Variants in RPS6KC1 observed in about 807,000 individuals in gnomAD.
The protein encoded by RPS6KC1 is inactive ribosomal protein S6 kinase delta-1.
Under a neutral mutation model 103.8 loss-of-function variants are expected in RPS6KC1, and 54 were observed. The ratio of observed to expected loss-of-function variants is 0.52; its 90% confidence interval spans 0.42 to 0.65. The LOEUF (loss-of-function observed/expected upper bound fraction) is 0.65, where lower values mean the gene tolerates loss of function less well. Among genes scored for constraint, RPS6KC1 ranks in the 30% least tolerant of loss-of-function variants. The pLI, the probability that RPS6KC1 is intolerant of heterozygous loss-of-function variation, is 0.00. For missense variants in RPS6KC1, 1,151 were observed against 1,253.8 expected (o/e 0.92, Z 1.24); for synonymous variants, 439 against 438.7 (o/e 1.00, Z -0.01).
At chr1:213,425,753 C>A in the RPS6KC1 span, among the ~76,000 whole-genome samples, 2 of 152,284 alleles carry the variant, frequency 1.3e-5, no homozygotes, top group African/African-American at 4.8e-5. Context: ...CAACCTTCCC[C>A]CGCCTGAATG....
chr1:213,242,144 G>A lies in RPS6KC1; in HGVS notation c.2668G>A (p.Asp890Asn). Residue 890 changes from aspartate (D) to asparagine (N), a missense_variant, in exon 11 of 15, where the codon GAT becomes AAT. Transcript: ENST00000366960. ...KEIHQIFEDL[D>N]KKLALASRFY... ...AATACATCAGATTTTTGAGGACCTT[G>A]ATAAAAAATTAGCACTAGCCTCCAG... The A allele has an allele frequency of 6.2e-7, 1 of 1,613,828 alleles. No individual in the cohort carries two copies. The highest frequency in any genetic ancestry group is 1.1e-5 in the South Asian group (1 of 91,070).
downstream of RPS6KC1, among the ~76,000 whole-genome samples, chr1:213,278,183 C>A (rs1453619722): frequency 6.6e-6 from 1 of 151,008 alleles, no homozygotes; most frequent in African/African-American, 2.4e-5. Flanking sequence ...CCATCCTGGG[C>A]AACAGACTGT....
the RPS6KC1 span, among the ~76,000 whole-genome samples, chr1:213,791,457 T>A: frequency 6.6e-6 from 1 of 152,160 alleles, no homozygotes; most frequent in African/African-American, 2.4e-5. Flanking sequence ...TGTTAATACC[T>A]GTGCTAGGTA....
chr1:213,333,407 G>A, the RPS6KC1 span, among the ~76,000 whole-genome samples: 1 of 152,208 alleles, frequency 6.6e-6, no homozygotes, highest in African/African-American at 2.4e-5. Context: ...CCCATGTGGT[G>A]ATTGTTTCAT....
At chr1:213,316,723 G>A in the RPS6KC1 span, among the ~76,000 whole-genome samples, 1 of 152,058 alleles carries the variant, frequency 6.6e-6, no homozygotes, top group African/African-American at 2.4e-5. Context: ...GTGTGTGTGT[G>A]TGTGTGTGTG....
chr1:213,535,879 A>C, the RPS6KC1 span, among the ~76,000 whole-genome samples: 166 of 152,188 alleles, frequency 1.1e-3, 1 homozygote, highest in African/African-American at 3.9e-3. Flanking sequence ...TCACTGTGGA[A>C]TAGGATTGCC....
the RPS6KC1 span, among the ~76,000 whole-genome samples, chr1:213,678,058 T>C: frequency 2.2e-4 from 34 of 152,146 alleles, no homozygotes; most frequent in Middle Eastern, 0.01. Context: ...ACGAGGAATG[T>C]TTAATTCCCT....
the RPS6KC1 span, among the ~76,000 whole-genome samples, chr1:213,300,013 G>T: frequency 6.6e-6 from 1 of 152,034 alleles, no homozygotes; most frequent in Non-Finnish European, 1.5e-5. Context: ...CACCGTGTTC[G>T]CCAGGATAGT....
chr1:213,638,729 A>ACC, the RPS6KC1 span, among the ~76,000 whole-genome samples: 4 of 152,074 alleles, frequency 2.6e-5, no homozygotes, highest in Admixed American at 2.0e-4. Flanking sequence ...CTAATCCTTT[A>ACC]CCAATACCAT....
the RPS6KC1 span, among the ~76,000 whole-genome samples, chr1:213,536,036 T>C: frequency 6.6e-6 from 1 of 151,846 alleles, no homozygotes; most frequent in Non-Finnish European, 1.5e-5. Flanking sequence ...TTCCCTTCAC[T>C]TGTCAAATAC....
the RPS6KC1 span, among the ~76,000 whole-genome samples, chr1:213,854,237 C>T: frequency 8.0e-3 from 1,224 of 152,314 alleles, 13 homozygotes; most frequent in Non-Finnish European, 0.013. Flanking sequence ...CTGGATTCCC[C>T]ACGAATCTCT....
the RPS6KC1 span, among the ~76,000 whole-genome samples, chr1:213,808,930 T>C: frequency 6.6e-6 from 1 of 152,222 alleles, no homozygotes. Context: ...TGGCTCCTCC[T>C]GGTGGTTTTA....
downstream of RPS6KC1, among the ~76,000 whole-genome samples, chr1:213,276,192 C>G (rs1363882736): frequency 6.6e-6 from 1 of 152,118 alleles, no homozygotes; most frequent in African/African-American, 2.4e-5. Flanking sequence ...GTTTGGAATC[C>G]AAATAGCAAG....
the RPS6KC1 span, chr1:213,817,920 A>C: frequency 6.6e-6 from 1 of 152,098 alleles, no homozygotes; most frequent in East Asian, 1.9e-4. Context: ...ATATCTGCGT[A>C]ATTCTCACAA....
intron 5 of RPS6KC1, among the ~76,000 whole-genome samples, chr1:213,128,426 C>A (rs970058575): frequency 1.3e-5 from 2 of 152,228 alleles, no homozygotes; most frequent in African/African-American, 4.8e-5. Flanking sequence ...TTCACAGATA[C>A]AATTCACATG....
intron 12 of RPS6KC1, among the ~76,000 whole-genome samples, chr1:213,254,119 A>T (rs981580438): frequency 6.6e-6 from 1 of 152,016 alleles, no homozygotes; most frequent in Non-Finnish European, 1.5e-5. Flanking sequence ...TTATGTTTTG[A>T]TATCTTTGTT....
chr1:213,853,328 A>G, the RPS6KC1 span, among the ~76,000 whole-genome samples: 9 of 152,180 alleles, frequency 5.9e-5, no homozygotes, highest in Non-Finnish European at 1.3e-4. Context: ...ATGATTCATG[A>G]TGTTCTCTGG....
chr1:213,371,377 C>T, the RPS6KC1 span, among the ~76,000 whole-genome samples: 1 of 152,150 alleles, frequency 6.6e-6, no homozygotes. Flanking sequence ...TGGCAGCTTC[C>T]ATCTTTTGGC....
the RPS6KC1 span, among the ~76,000 whole-genome samples, chr1:213,341,594 A>C: frequency 6.6e-6 from 1 of 152,210 alleles, no homozygotes; most frequent in Non-Finnish European, 1.5e-5. Flanking sequence ...TTCTAATAAG[A>C]ATAAAAATGC....
Sources: gnomAD v4.1 joint callset for allele counts (sites outside exome capture counted in the v4.1 genomes callset) on GRCh38, gnomAD v4.1.1 for gene constraint, MANE v1.5 for transcripts, NCBI Gene and HGNC (gene_info 2026-07-23, HGNC 2026-07-21) for gene names.